The following CCDC91 variants were observed in gnomAD, a reference collection of about 807,000 sequenced individuals.
CCDC91 encodes coiled-coil domain-containing protein 91.
CCDC91 carries 48 observed loss-of-function variants against 63.2 expected under a neutral mutation model. That is an observed-to-expected ratio of 0.76 (90% CI 0.60 to 0.97). CCDC91 has a LOEUF of 0.97. Among genes scored for constraint, CCDC91 ranks in the 50% least tolerant of loss-of-function variants. The pLI is 0.00. For missense variants in CCDC91, 500 were observed against 494.6 expected, an observed-to-expected ratio of 1.01 and a Z score of -0.10; for synonymous variants, 167 against 165.8, an observed-to-expected ratio of 1.01 and a Z score of -0.06.
chr12:28,490,209 G>C (rs748888197), intron 12 of CCDC91, among the ~76,000 whole-genome samples: 2 of 151,826 alleles, frequency 1.3e-5, no homozygotes, highest in African/African-American at 2.4e-5. Flanking sequence ...AGGCTGTGTA[G>C]TTGTATGTGC....
chr12:28,253,930 A>G (rs1312217403), intron 1 of CCDC91, among the ~76,000 whole-genome samples: 1 of 151,900 alleles, frequency 6.6e-6, no homozygotes, highest in Non-Finnish European at 1.5e-5. Flanking sequence ...ACTCTTTTAC[A>G]TCTTATGTTA....
intron 3 of CCDC91, among the ~76,000 whole-genome samples, chr12:28,299,522 C>T (rs1937804509): frequency 6.6e-6 from 1 of 151,540 alleles, no homozygotes; most frequent in Non-Finnish European, 1.5e-5. Flanking sequence ...TCTCATTCCC[C>T]TGCCTGTTGA....
intron 1 of CCDC91, among the ~76,000 whole-genome samples, chr12:28,253,158 A>G (rs1205818023): frequency 1.3e-5 from 2 of 152,158 alleles, no homozygotes; most frequent in African/African-American, 2.4e-5. Flanking sequence ...GTAGTATTTC[A>G]TGAGTGAGTT....
At chr12:28,510,160 A>C (rs1255680615) in intron 12 of CCDC91, among the ~76,000 whole-genome samples, 1 of 151,800 alleles carries the variant, frequency 6.6e-6, no homozygotes, top group African/African-American at 2.4e-5. Context: ...ACCTAACATG[A>C]AATTATTTTC....
At chr12:28,411,097 A>G (rs1416220438) in intron 8 of CCDC91, among the ~76,000 whole-genome samples, 1 of 152,206 alleles carries the variant, frequency 6.6e-6, no homozygotes, top group Non-Finnish European at 1.5e-5. Flanking sequence ...AATGCATAAC[A>G]ACTAAAAGCT....
chr12:28,336,939 A>C (rs2137850812), intron 6 of CCDC91, among the ~76,000 whole-genome samples: 1 of 152,226 alleles, frequency 6.6e-6, no homozygotes, highest in African/African-American at 2.4e-5. Context: ...AAGTTAACTG[A>C]AGACAATATT....
chr12:28,358,284 G>A (rs1943651509), intron 6 of CCDC91, among the ~76,000 whole-genome samples: 1 of 152,072 alleles, frequency 6.6e-6, no homozygotes, highest in South Asian at 2.1e-4. Flanking sequence ...ACCTGTCAAG[G>A]AGCCTACTTT....
At chr12:28,476,818 A>G (rs1951123003) in intron 11 of CCDC91, among the ~76,000 whole-genome samples, 1 of 152,208 alleles carries the variant, frequency 6.6e-6, no homozygotes. Context: ...AATACAAACT[A>G]CCATCAGAGG....
chr12:28,236,967 C>T (rs1357809696), intron 1 of CCDC91: 2 of 151,812 alleles, frequency 1.3e-5, no homozygotes, highest in Non-Finnish European at 2.9e-5. Context: ...CCCCTTTAAT[C>T]TGTTTTATTT....
intron 7 of CCDC91, among the ~76,000 whole-genome samples, chr12:28,371,484 C>T (rs1181237022): frequency 1.3e-5 from 2 of 152,112 alleles, no homozygotes; most frequent in Non-Finnish European, 2.9e-5. Flanking sequence ...TTAGGGACTG[C>T]TGTATATATT....
chr12:28,237,549 G>C (rs971734993), intron 1 of CCDC91, among the ~76,000 whole-genome samples: 2 of 152,144 alleles, frequency 1.3e-5, no homozygotes, highest in Non-Finnish European at 2.9e-5. Context: ...TTGAACATTA[G>C]AGTGATGAGG....
chr12:28,243,839 A>G (rs775368147), intron 1 of CCDC91, among the ~76,000 whole-genome samples: 7 of 152,190 alleles, frequency 4.6e-5, no homozygotes, highest in Non-Finnish European at 8.8e-5. Flanking sequence ...CTCTACCAAA[A>G]TTTTGAGGAA....
chr12:28,347,154 G>A (rs1942867792), intron 6 of CCDC91, among the ~76,000 whole-genome samples: 2 of 152,142 alleles, frequency 1.3e-5, no homozygotes, highest in African/African-American at 2.4e-5. Context: ...GGGTCTCCCA[G>A]GGTGAGGCCA....
chr12:28,195,320 T>C (rs1315765649), intron 1 of CCDC91, among the ~76,000 whole-genome samples: 2 of 152,190 alleles, frequency 1.3e-5, no homozygotes, highest in East Asian at 3.8e-4. Flanking sequence ...TGCTGATTGG[T>C]GCGTTTACAA....
chr12:28,455,342 T>C (rs1950008515), intron 11 of CCDC91, among the ~76,000 whole-genome samples: 1 of 152,162 alleles, frequency 6.6e-6, no homozygotes, highest in African/African-American at 2.4e-5. Context: ...ATGAGCTTAA[T>C]TAATTACCCT....
At chr12:28,392,753 C>T (rs565066440) in intron 8 of CCDC91, among the ~76,000 whole-genome samples, 1 of 152,308 alleles carries the variant, frequency 6.6e-6, no homozygotes, top group East Asian at 1.9e-4. Context: ...TTCCATTCAG[C>T]CATGGCCTCA....
At chr12:28,211,388 C>T (rs1178695541) in intron 1 of CCDC91, among the ~76,000 whole-genome samples, 4 of 152,186 alleles carry the variant, frequency 2.6e-5, no homozygotes, top group South Asian at 4.1e-4. Flanking sequence ...GTGCAAAATA[C>T]GTGTGACAAA....
chr12:28,450,302 C>T (rs1193154632), intron 9 of CCDC91, 48 bp from the exon 10 acceptor site: 1 of 1,582,300 alleles, frequency 6.3e-7, no homozygotes, highest in South Asian at 1.1e-5. Flanking sequence ...GTTCTGTTAC[C>T]TCAAATAATA....
chr12:28,368,112 C>T lies in CCDC91; in HGVS notation c.654+5597C>T, dbSNP rs145388532. Among the ~76,000 whole-genome samples the T allele has an allele frequency of 3.5e-4, 54 of 152,274 alleles. No homozygotes were observed. The East Asian group carries it at 7.1e-3, about 20-fold the overall frequency. On this transcript the variant is annotated intron_variant, in intron 7 of 12. Transcript: ENST00000536442. The stretch of plus-strand genomic sequence containing the variant: ...ATTTATTTCTCTGGAGACCTTAATA[C>T]ACACGTAGCTAAACTTCCCTCAACC...
Sources: allele counts gnomAD v4.1 joint callset (sites outside exome capture counted in the v4.1 genomes callset), GRCh38; gene constraint gnomAD v4.1.1; transcripts MANE v1.5; gene names NCBI Gene and HGNC (gene_info 2026-07-23, HGNC 2026-07-21).